PCDHGA9: variants seen among roughly 807,000 people sequenced by gnomAD.
PCDHGA9 encodes protocadherin gamma-A9.
PCDHGA9 carries 37 observed loss-of-function variants against 62.5 expected under a neutral mutation model. The observed-to-expected ratio is 0.59, with a 90% confidence interval of 0.46 to 0.78. The LOEUF is 0.78. Among genes scored for constraint, PCDHGA9 ranks in the 30% least tolerant of loss-of-function variants. The pLI is 0.00. For synonymous variants in PCDHGA9, 459 were observed against 484.6 expected (o/e 0.95, Z 0.69); for missense variants, 1,138 against 1,166.2 (o/e 0.98, Z 0.35).
intron 1 of PCDHGA9, among the ~76,000 whole-genome samples, chr5:141,455,407 A>T (rs1273781307): frequency 1.3e-5 from 2 of 152,174 alleles, no homozygotes; most frequent in Non-Finnish European, 2.9e-5. Context: ...TTACAGAGAC[A>T]GAGGGAGCGG....
At chr5:141,496,782 C>T (rs552953558) in intron 2 of PCDHGA9, among the ~76,000 whole-genome samples, 16 of 152,136 alleles carry the variant, frequency 1.1e-4, no homozygotes, top group South Asian at 2.1e-4. Context: ...TGAGCAGGGC[C>T]CTGTGCTAAA....
chr5:141,420,075 G>A (rs893749179), intron 1 of PCDHGA9: 17 of 1,613,944 alleles, frequency 1.1e-5, no homozygotes, highest in Admixed American at 6.7e-5. Context: ...GGACCTGTGG[G>A]TCCCCCCAAC....
chr5:141,457,504 A>G (rs2098922754), intron 1 of PCDHGA9, among the ~76,000 whole-genome samples: 1 of 152,222 alleles, frequency 6.6e-6, no homozygotes, highest in Non-Finnish European at 1.5e-5. Context: ...GTAGGCAAAA[A>G]GCTTAAAAAC....
At chr5:141,410,049 T>A in intron 1 of PCDHGA9, 1 of 1,613,184 alleles carries the variant, frequency 6.2e-7, no homozygotes, top group Admixed American at 1.7e-5. Flanking sequence ...GAGCCCGGAC[T>A]CTTCAGCCTG....
At position 141,404,344 on chromosome 5, in the gene PCDHGA9, C is replaced by T. The variant is rs755599341; in HGVS notation, c.1392C>T (p.Asn464=). 1.1e-5 allele frequency: 18 copies of T among 1,613,954 alleles called. No homozygotes were observed. In the East Asian group the frequency reaches 3.8e-4, roughly 34 times the overall value. ...QASYSVYLPE[N]NARGTSIFSV... ...CCTACTCAGTCTACCTCCCGGAAAA[C>T]AACGCCAGAGGTACTTCCATCTTCT... Residue 464 remains asparagine, a synonymous_variant, in exon 1 of 4, where the codon AAC becomes AAT. Coordinates refer to ENST00000573521, the MANE Select transcript of PCDHGA9 (RefSeq NM_018921.3).
chr5:141,466,039 A>G (rs926979550), intron 1 of PCDHGA9, among the ~76,000 whole-genome samples: 1 of 152,122 alleles, frequency 6.6e-6, no homozygotes, highest in Non-Finnish European at 1.5e-5. Context: ...GGAGAACGGC[A>G]TGAACCCAGG....
intron 1 of PCDHGA9, chr5:141,424,126 G>C: frequency 9.3e-6 from 5 of 538,222 alleles, no homozygotes; most frequent in Non-Finnish European, 1.2e-5. Flanking sequence ...TGATCCTGTT[G>C]ATTTAATAGC....
chr5:141,419,980 G>T lies in PCDHGA9; in HGVS notation c.2424+14604G>T, dbSNP rs182372807. 1.1e-4 allele frequency: 180 copies of T among 1,614,080 alleles called. No individual in the cohort carries two copies. The East Asian group carries it at 1.1e-3, about 10-fold the overall frequency. On this transcript the variant is annotated intron_variant, in intron 1 of 3. Transcript: ENST00000573521. ...TTTCTGTGCTCTTTCTCCTCGCGGTGATTCTAGCTATTGCTCTACGCCTGC... is the reference window on the plus strand; with the variant it reads ...TTTCTGTGCTCTTTCTCCTCGCGGTTATTCTAGCTATTGCTCTACGCCTGC...
At position 141,494,820 on chromosome 5, in the gene PCDHGA9, A is replaced by G; in HGVS notation, c.2438A>G (p.Asn813Ser). ...TTTTCTCCACAGCAAGCCCCGCCCA[A>G]CACGGACTGGCGTTTCTCTCAGGCC... ...DTPLVPQAPP[N>S]TDWRFSQAQR... Residue 813 changes from asparagine to serine, a missense_variant, in exon 2 of 4, where the codon AAC becomes AGC. By Grantham distance (46) the Asn-to-Ser change is conservative. Transcript: ENST00000573521. 1.2e-6 allele frequency: 2 copies of G among 1,613,988 alleles called. No individual in the cohort carries two copies. Among genetic ancestry groups the G allele is most frequent in the Middle Eastern group, 1.6e-4 (1 of 6,062 alleles).
chr5:141,433,142 G>A, intron 1 of PCDHGA9: 2 of 1,614,108 alleles, frequency 1.2e-6, no homozygotes, highest in African/African-American at 1.3e-5. Flanking sequence ...TTTGCTGTCA[G>A]GTGATTCGGT....
chr5:141,461,648 A>G (rs910827619), intron 1 of PCDHGA9, among the ~76,000 whole-genome samples: 2 of 152,070 alleles, frequency 1.3e-5, no homozygotes, highest in South Asian at 2.1e-4. Context: ...TCTTTGACCC[A>G]TGGATTATTT....
At chr5:141,499,548 A>G (rs1312910986) in intron 2 of PCDHGA9, among the ~76,000 whole-genome samples, 3 of 152,226 alleles carry the variant, frequency 2.0e-5, no homozygotes, top group African/African-American at 7.2e-5. Flanking sequence ...ATGAACCTGT[A>G]TGATACCACT....
chr5:141,492,360 G>A (rs2099739696), intron 1 of PCDHGA9, among the ~76,000 whole-genome samples: 1 of 152,190 alleles, frequency 6.6e-6, no homozygotes, highest in African/African-American at 2.4e-5. Context: ...CCACTCGCTC[G>A]CGGCCAGATT....
At chr5:141,497,771 C>T (rs2099779314) in intron 2 of PCDHGA9, among the ~76,000 whole-genome samples, 1 of 152,154 alleles carries the variant, frequency 6.6e-6, no homozygotes, top group Non-Finnish European at 1.5e-5. Context: ...ACTCCCCGAC[C>T]TCAACTGATC....
intron 1 of PCDHGA9, chr5:141,421,335 G>A (rs2096564985): frequency 1.2e-6 from 2 of 1,613,944 alleles, no homozygotes; most frequent in Non-Finnish European, 8.5e-7. Context: ...GATATTCGGT[G>A]CCAGAAGAGA....
At chr5:141,425,695 T>G (rs1329762653) in intron 1 of PCDHGA9, among the ~76,000 whole-genome samples, 1 of 152,232 alleles carries the variant, frequency 6.6e-6, no homozygotes, top group African/African-American at 2.4e-5. Context: ...TATCATTTCA[T>G]AGTGGTCAAA....
Position 141,475,871 on chromosome 5 carries a change from A to C in PCDHGA9, c.2425-18936A>C, listed in dbSNP as rs568810142. 35 of 513,270 alleles carry C rather than the reference A, an allele frequency of 6.8e-5. No individual in the cohort carries two copies. The East Asian group carries it at 1.1e-3, about 16-fold the overall frequency. The allele number at this position is 513,270 out of a possible 1,614,324, so 31.8% of individuals were successfully genotyped here. The stretch of plus-strand genomic sequence containing the variant: ...CCCGGCGCTAGCTCATTCTTCGTGC[A>C]GTTATTGGCTGGGACTCTGTGTGCC... On this transcript the variant is annotated intron_variant, in intron 1 of 3. Transcript: ENST00000573521.
chr5:141,436,973 T>C (rs1209787552), intron 1 of PCDHGA9, among the ~76,000 whole-genome samples: 1 of 152,234 alleles, frequency 6.6e-6, no homozygotes, highest in Non-Finnish European at 1.5e-5. Context: ...TTGTGAAACT[T>C]ATTTTAAAGA....
In PCDHGA9 at chr5:141,485,244, T is replaced by C; in HGVS notation, c.2425-9563T>C. ...ACCCTTTTGTTCCTCTTTTACCACC[T>C]GGGTTACGTTTGTGGGCAGATCCGC... On this transcript the variant is annotated intron_variant, in intron 1 of 3. Transcript: ENST00000573521. This position sits in a 1 kb window ranked among gnomAD's most constrained non-coding sequence, Gnocchi z 5.7. 1 of 1,614,168 alleles carries C rather than the reference T, an allele frequency of 6.2e-7. No individual in the cohort carries two copies. Among genetic ancestry groups the C allele is most frequent in the Admixed American group, 1.7e-5 (1 of 60,016 alleles).
Sources: allele counts gnomAD v4.1 joint callset (sites outside exome capture counted in the v4.1 genomes callset), GRCh38; gene constraint gnomAD v4.1.1; non-coding constraint Gnocchi (gnomAD v3.1); transcripts MANE v1.5; gene names NCBI Gene and HGNC (gene_info 2026-07-23, HGNC 2026-07-21).